The following KMT2C variants were observed in gnomAD, a reference collection of about 807,000 sequenced individuals.
KMT2C encodes lysine methyltransferase 2C.
Under a neutral mutation model 507.9 loss-of-function variants are expected in KMT2C, and 88 were observed. The ratio of observed to expected loss-of-function variants is 0.17; its 90% CI spans 0.15 to 0.21. The LOEUF (loss-of-function observed/expected upper bound fraction) is 0.21, where lower values mean the gene tolerates loss of function less well. Among genes scored for constraint, KMT2C ranks in the 10% least tolerant of loss-of-function variants. KMT2C has a pLI of 1.00. For synonymous variants in KMT2C, 2,049 were observed against 2,080.8 expected, an observed-to-expected ratio of 0.98 and a Z score of 0.42; for missense variants, 4,954 against 5,957.8, an observed-to-expected ratio of 0.83 and a Z score of 5.55.
At chr7:152,360,888 G>A (rs1366144126) in intron 1 of KMT2C, among the ~76,000 whole-genome samples, 1 of 151,446 alleles carries the variant, frequency 6.6e-6, no homozygotes, top group Non-Finnish European at 1.5e-5. Context: ...AGCCTAAATG[G>A]TTTTATAATT....
At chr7:152,330,153 A>AG (rs1159945663) in intron 3 of KMT2C, among the ~76,000 whole-genome samples, 66 of 6,856 alleles carry the variant, frequency 9.6e-3, no homozygotes, top group Non-Finnish European at 0.013. Context: ...AAAAAAAGGG[A>AG]GGGGGGGAGG....
At chr7:152,432,632 A>G (rs1396522448) in intron 1 of KMT2C, among the ~76,000 whole-genome samples, 1 of 152,246 alleles carries the variant, frequency 6.6e-6, no homozygotes, top group Non-Finnish European at 1.5e-5. Context: ...GATTTTAGGT[A>G]GTAAAATTTT....
At chr7:152,271,855 G>C (rs938988720) in intron 7 of KMT2C, among the ~76,000 whole-genome samples, 1 of 151,946 alleles carries the variant, frequency 6.6e-6, no homozygotes, top group Non-Finnish European at 1.5e-5. Flanking sequence ...GTGATGTCTT[G>C]TTATTATTAT....
At chr7:152,332,891 C>CACACACAG (rs1554652303) in intron 2 of KMT2C, among the ~76,000 whole-genome samples, 5 of 149,646 alleles carry the variant, frequency 3.3e-5, no homozygotes, top group African/African-American at 1.2e-4. Context: ...CACACACACA[C>CACACACAG]AAATTATTCT....
chr7:152,245,069 T>G (rs1221653889), intron 14 of KMT2C, among the ~76,000 whole-genome samples: 1 of 152,226 alleles, frequency 6.6e-6, no homozygotes, highest in Non-Finnish European at 1.5e-5. Flanking sequence ...TTATTTGGAT[T>G]ATATATTTAA....
chr7:152,204,596 TAGATAG>T (rs2094243509), intron 25 of KMT2C, among the ~76,000 whole-genome samples: 1 of 18,400 alleles, frequency 5.4e-5, no homozygotes, highest in South Asian at 1.4e-3. Flanking sequence ...GACCCCTAGA[TAGATAG>T]ATAGATAGAT....
rs1789982352 is a variant in KMT2C at position 152,177,931 on chromosome 7, A to G, written c.7522T>C (p.Ser2508Pro). ...FLVPPQQIQG[S>P]GVSPQLRRSV... ...CTTCTTAGCTGTGGAGAAACTCCAG[A>G]TCCCTGTATTTGCTGAGGAGGCACA... The change falls in exon 38 of 59, where the codon TCT (serine) becomes CCT (proline). Residue 2508 changes from serine to proline, a missense_variant. Transcript: ENST00000262189. The G allele has an allele frequency of 6.2e-7, 1 of 1,601,278 alleles. No homozygotes were observed. The highest frequency in any genetic ancestry group is 1.4e-5 in the African/African-American group (1 of 73,036).
chr7:152,383,862 A>G (rs1170661989), intron 1 of KMT2C, among the ~76,000 whole-genome samples: 1 of 152,100 alleles, frequency 6.6e-6, no homozygotes. Context: ...CACACTCATC[A>G]TCGTCATTAC....
intron 1 of KMT2C, among the ~76,000 whole-genome samples, chr7:152,364,841 A>AAAAATT (rs891953586): frequency 1.2e-4 from 19 of 152,132 alleles, no homozygotes; most frequent in African/African-American, 4.6e-4. Context: ...ATAGGGACAA[A>AAAAATT]AAAATTGTTT....
chr7:152,305,512 T>C (rs182554539), intron 6 of KMT2C, among the ~76,000 whole-genome samples: 50 of 151,848 alleles, frequency 3.3e-4, no homozygotes, highest in Non-Finnish European at 5.3e-4. Flanking sequence ...ATACGTGAGG[T>C]GTGGTGAAGA....
At chr7:152,140,185 A>G (rs765798340) in intron 55 of KMT2C, among the ~76,000 whole-genome samples, 3 of 152,236 alleles carry the variant, frequency 2.0e-5, no homozygotes, top group African/African-American at 4.8e-5. Context: ...AATAAATTCA[A>G]TAACATAGAA....
chr7:152,417,272 C>T (rs1032865762), intron 1 of KMT2C, among the ~76,000 whole-genome samples: 1 of 152,148 alleles, frequency 6.6e-6, no homozygotes, highest in African/African-American at 2.4e-5. Context: ...GTGCCCACCA[C>T]CATGTCTGGC....
intron 38 of KMT2C, among the ~76,000 whole-genome samples, chr7:152,174,999 C>T (rs2093134149): frequency 6.6e-6 from 1 of 152,128 alleles, no homozygotes; most frequent in African/African-American, 2.4e-5. Context: ...TGACTGAAAA[C>T]ATATGGCAAC....
In KMT2C at chr7:152,252,057, A is replaced by T; in HGVS notation, c.1503T>A (p.Asp501Glu). The change falls in exon 11 of 59, where the codon GAT becomes GAA. Residue 501 changes from aspartate (D) to glutamate (E), a missense_variant. Asp to Glu is a conservative substitution (Grantham distance 45). Coordinates refer to ENST00000262189, the MANE Select transcript of KMT2C (RefSeq NM_170606.3). ...CTTTGAGCTGAGTATCCAGTTCATG[A>T]TCTGTTGGTTTGTCACACTCTAGGT... ...WVHLECDKPT[D>E]HELDTQLKEE... is the part of the protein sequence containing the mutation. 6.2e-7 allele frequency: 1 copy of T among 1,611,940 alleles called. No individual in the cohort carries two copies. The highest frequency in any genetic ancestry group is 8.5e-7 in the Non-Finnish European group (1 of 1,178,850).
At chr7:152,261,683 TTA>T (rs2095781659) in intron 9 of KMT2C, among the ~76,000 whole-genome samples, 1 of 152,154 alleles carries the variant, frequency 6.6e-6, no homozygotes, top group Non-Finnish European at 1.5e-5. Context: ...GAAGGTAAAC[TTA>T]TAGTCTTAAA....
intron 40 of KMT2C, among the ~76,000 whole-genome samples, chr7:152,170,347 G>A (rs2092907678): frequency 1.3e-5 from 2 of 148,250 alleles, no homozygotes; most frequent in South Asian, 4.2e-4. Context: ...ATTATAGTAG[G>A]TAGCTCCCTT....
chr7:152,392,908 A>G (rs1206322548), intron 1 of KMT2C, among the ~76,000 whole-genome samples: 7 of 152,234 alleles, frequency 4.6e-5, no homozygotes, highest in South Asian at 2.1e-4. Context: ...AAGAAAGGGC[A>G]ACATAGTGAT....
Position 152,431,009 on chromosome 7 carries a change from A to T in KMT2C, c.161+4617T>A, listed in dbSNP as rs898439320. ...GAAACTTTGCAGTTTTGCGGAACAG[A>T]GGAATGAGATGAAGCAGTGTGGCTT... On this transcript the variant is annotated intron_variant, in intron 1 of 58. Transcript: ENST00000262189. Among the ~76,000 whole-genome samples the T allele has an allele frequency of 2.0e-5, 3 of 152,326 alleles. No homozygotes were observed. In the East Asian group the frequency reaches 5.8e-4, roughly 29 times the overall value.
chr7:152,233,016 A>G (rs767462517), intron 16 of KMT2C, among the ~76,000 whole-genome samples: 18 of 152,222 alleles, frequency 1.2e-4, no homozygotes, highest in Non-Finnish European at 2.4e-4. Flanking sequence ...GCTTTCACTG[A>G]AAATGATAAA....
Sources: gnomAD v4.1 joint callset for allele counts (sites outside exome capture counted in the v4.1 genomes callset) on GRCh38, gnomAD v4.1.1 for gene constraint, MANE v1.5 for transcripts, NCBI Gene and HGNC (gene_info 2026-07-23, HGNC 2026-07-21) for gene names.